RNFT2: variants seen among roughly 807,000 people sequenced by gnomAD.
The protein encoded by RNFT2 is ring finger protein, transmembrane 2.
Under a neutral mutation model 53.0 loss-of-function variants are expected in RNFT2, and 36 were observed. The observed-to-expected ratio is 0.68, with a 90% CI of 0.52 to 0.90. RNFT2 has a LOEUF of 0.90. RNFT2 is among the 40% of genes least tolerant of loss of function. RNFT2 has a pLI of 0.00. For missense variants in RNFT2, 514 were observed against 585.6 expected (o/e 0.88, Z 1.26); for synonymous variants, 260 against 253.2 (o/e 1.03, Z -0.26).
At chr12:116,830,286 ATTG>A (rs948868432) in intron 7 of RNFT2, among the ~76,000 whole-genome samples, 1 of 151,708 alleles carries the variant, frequency 6.6e-6, no homozygotes, top group African/African-American at 2.4e-5. Context: ...TTCAATTTTT[ATTG>A]TTGTTTTTTT....
At chr12:116,749,288 A>T (rs200244608) in intron 3 of RNFT2, among the ~76,000 whole-genome samples, 27 of 11,392 alleles carry the variant, frequency 2.4e-3, no homozygotes, top group African/African-American at 5.0e-3. Context: ...TTCCCCCCCC[A>T]CCACCCCTTT....
intron 7 of RNFT2, among the ~76,000 whole-genome samples, chr12:116,809,507 T>C (rs1875259191): frequency 1.3e-5 from 2 of 152,092 alleles, no homozygotes; most frequent in South Asian, 2.1e-4. Context: ...AGCACTTTGA[T>C]ATGCAACCAG....
At position 116,850,148 on chromosome 12, in the gene RNFT2, CTT is replaced by C. The variant is rs71099006; in HGVS notation, c.*723_*724del. On this transcript the variant is annotated 3_prime_UTR_variant, in exon 11 of 11. Coordinates refer to ENST00000257575, the MANE Select transcript of RNFT2 (RefSeq NM_001382266.1). ...GCATGAGCCACCGTGCCCAGGCTCA[CTT>C]TTTTTTTTTTTTTTTTTTTTTTGAG... The C allele has an allele frequency of 2.9e-3, 211 of 73,202 alleles. 2 individuals are homozygous for C. Among genetic ancestry groups the C allele is most frequent in the African/African-American group, 0.01 (180 of 17,860 alleles). The allele number at this position is 73,202 out of a possible 1,614,324, so 4.5% of individuals were successfully genotyped here.
At chr12:116,747,655 A>G (rs1871961375) in intron 3 of RNFT2, among the ~76,000 whole-genome samples, 1 of 152,150 alleles carries the variant, frequency 6.6e-6, no homozygotes, top group Admixed American at 6.5e-5. Flanking sequence ...ACATTTATTA[A>G]GCACCTACTG....
At chr12:116,840,976 T>C (rs1485252522) in intron 10 of RNFT2, among the ~76,000 whole-genome samples, 1 of 152,096 alleles carries the variant, frequency 6.6e-6, no homozygotes, top group Non-Finnish European at 1.5e-5. Context: ...TTCAGTAATG[T>C]CATTTTTCGT....
At chr12:116,822,334 G>GTC (rs897009675) in intron 7 of RNFT2, among the ~76,000 whole-genome samples, 7 of 151,988 alleles carry the variant, frequency 4.6e-5, no homozygotes, top group Middle Eastern at 6.8e-3. Context: ...AACAGGGTCT[G>GTC]TCTCTCTCTC....
At chr12:116,829,547 T>G (rs1876526952) in intron 7 of RNFT2, among the ~76,000 whole-genome samples, 1 of 152,186 alleles carries the variant, frequency 6.6e-6, no homozygotes, top group Non-Finnish European at 1.5e-5. Flanking sequence ...TTGGTAGATG[T>G]GGGTGTACGT....
chr12:116,788,431 T>C (rs1874037895), intron 7 of RNFT2, among the ~76,000 whole-genome samples: 1 of 152,188 alleles, frequency 6.6e-6, no homozygotes, highest in South Asian at 2.1e-4. Context: ...GCCTTCCCTC[T>C]TTCTCATGTC....
intron 7 of RNFT2, among the ~76,000 whole-genome samples, chr12:116,825,573 G>A (rs1427705751): frequency 6.6e-6 from 1 of 152,182 alleles, no homozygotes; most frequent in Non-Finnish European, 1.5e-5. Context: ...TGACATGTGA[G>A]AGCCAATGGT....
At chr12:116,801,696 A>C (rs1158102433) in intron 7 of RNFT2, among the ~76,000 whole-genome samples, 1 of 152,268 alleles carries the variant, frequency 6.6e-6, no homozygotes, top group Non-Finnish European at 1.5e-5. Flanking sequence ...GTTAGAATCT[A>C]ACCAAAGTCA....
chr12:116,766,501 G>C (rs531055875), intron 5 of RNFT2, among the ~76,000 whole-genome samples: 2 of 152,282 alleles, frequency 1.3e-5, no homozygotes, highest in South Asian at 4.2e-4. Flanking sequence ...GCCTGGAGTT[G>C]GACAGCTCCC....
chr12:116,796,571 C>T (rs1874513037), intron 7 of RNFT2, among the ~76,000 whole-genome samples: 1 of 152,198 alleles, frequency 6.6e-6, no homozygotes, highest in African/African-American at 2.4e-5. Flanking sequence ...TCTTCTCTGA[C>T]ATGAGAACCA....
rs1166951587 is a variant in RNFT2 at position 116,750,096 on chromosome 12, C to T, written c.339C>T (p.His113=). Residue 113 remains histidine, a synonymous_variant, in exon 4 of 11, where the codon CAC becomes CAT. Transcript: ENST00000257575. ...GCGCCTACCACCACCGCCAGCCCCA[C>T]CACCATTTCCACCATGGCGGCCACC... is the stretch of plus-strand genomic sequence containing the variant. ...EGGAYHHRQP[H]HHFHHGGHRG... 2 of 1,553,632 alleles carry T rather than the reference C, an allele frequency of 1.3e-6. No homozygotes were observed. Among genetic ancestry groups the T allele is most frequent in the Non-Finnish European group, 1.7e-6 (2 of 1,154,990 alleles).
chr12:116,835,143 C>T (rs2053320859), intron 8 of RNFT2, among the ~76,000 whole-genome samples: 1 of 152,188 alleles, frequency 6.6e-6, no homozygotes, highest in African/African-American at 2.4e-5. Flanking sequence ...AGCCACCCCA[C>T]CTGGCCCCCA....
intron 5 of RNFT2, among the ~76,000 whole-genome samples, chr12:116,762,403 CA>C (rs71095592): frequency 4.3e-5 from 6 of 139,812 alleles, no homozygotes; most frequent in South Asian, 2.2e-4. Context: ...CATCTCAAAA[CA>C]AAAAAAAAAA....
chr12:116,841,714 C>T (rs982223824), intron 10 of RNFT2, among the ~76,000 whole-genome samples: 2 of 144,648 alleles, frequency 1.4e-5, no homozygotes, highest in South Asian at 2.2e-4. Flanking sequence ...TGCCACTGCA[C>T]TCTAGCCTGG....
Position 116,852,577 on chromosome 12 carries a change from T to C in RNFT2, c.*3129T>C. 1.2e-6 allele frequency: 2 copies of C among 1,612,418 alleles called. No individual in the cohort carries two copies. The highest frequency in any genetic ancestry group is 1.7e-5 in the Admixed American group (1 of 59,960). Reference sequence around the variant, plus strand: ...TGCAGCTGCTCTGTTCTCCCTACCCTGAGGAAAAACCAAAGGGAAGCAACA... The same window carrying C: ...TGCAGCTGCTCTGTTCTCCCTACCCCGAGGAAAAACCAAAGGGAAGCAACA... On this transcript the variant is annotated 3_prime_UTR_variant, in exon 11 of 11. Transcript: ENST00000257575.
At chr12:116,804,499 T>A (rs1315600723) in intron 7 of RNFT2, among the ~76,000 whole-genome samples, 2 of 152,224 alleles carry the variant, frequency 1.3e-5, no homozygotes, top group Non-Finnish European at 2.9e-5. Flanking sequence ...ATTCATCCAT[T>A]CCCCTAACTC....
intron 6 of RNFT2, among the ~76,000 whole-genome samples, chr12:116,769,874 A>G (rs1039891117): frequency 6.6e-6 from 1 of 152,152 alleles, no homozygotes; most frequent in African/African-American, 2.4e-5. Flanking sequence ...TCTACTAAAA[A>G]AAATACCAAA....
Sources: gnomAD v4.1 joint callset for allele counts (sites outside exome capture counted in the v4.1 genomes callset) on GRCh38, gnomAD v4.1.1 for gene constraint, MANE v1.5 for transcripts, NCBI Gene and HGNC (gene_info 2026-07-23, HGNC 2026-07-21) for gene names.